The following NPM1 variants were observed in gnomAD, a reference collection of about 807,000 sequenced individuals.
NPM1 encodes nucleophosmin 1.
In NPM1, 1 loss-of-function variant was observed where a neutral mutation model predicts 44.1. The observed-to-expected ratio is 0.02, with a 90% CI of 0.01 to 0.11. The LOEUF (loss-of-function observed/expected upper bound fraction) is 0.11, where lower values mean the gene tolerates loss of function less well. NPM1 is among the 10% of genes least tolerant of loss of function. The pLI, the probability that NPM1 is intolerant of heterozygous loss-of-function variation, is 1.00. For synonymous variants in NPM1, 126 were observed against 111.8 expected (o/e 1.13, Z -0.80); for missense variants, 197 against 347.8 (o/e 0.57, Z 3.45).
chr5:171,394,907 G>A (rs1206524934), intron 6 of NPM1, among the ~76,000 whole-genome samples: 1 of 152,138 alleles, frequency 6.6e-6, no homozygotes, highest in Non-Finnish European at 1.5e-5. Flanking sequence ...GGCCAGGCAT[G>A]GTGGCTCACG....
At chr5:171,394,892 A>G (rs1187665808) in intron 6 of NPM1, among the ~76,000 whole-genome samples, 1 of 151,980 alleles carries the variant, frequency 6.6e-6, no homozygotes, top group African/African-American at 2.4e-5. Flanking sequence ...AAATTGATAT[A>G]ATTAGGCCAG....
chr5:171,405,620 A>C, intron 9 of NPM1: 1 of 534,892 alleles, frequency 1.9e-6, no homozygotes, highest in South Asian at 2.2e-5. Context: ...CTTATTTTCC[A>C]TTATGCAAGG....
upstream of NPM1, chr5:171,387,742 C>T (rs960932646): frequency 5.0e-6 from 3 of 595,910 alleles, no homozygotes; most frequent in Middle Eastern, 4.5e-4. Context: ...CGCAGGACGG[C>T]TACGGTACGG....
intron 2 of NPM1, among the ~76,000 whole-genome samples, chr5:171,390,630 CAT>C (rs1206273023): frequency 6.6e-6 from 1 of 152,152 alleles, no homozygotes; most frequent in Non-Finnish European, 1.5e-5. Context: ...AAATCACAGT[CAT>C]GTGCCTCATT....
chr5:171,393,399 TA>T (rs1283290188), intron 6 of NPM1, among the ~76,000 whole-genome samples: 1 of 152,218 alleles, frequency 6.6e-6, no homozygotes, highest in Non-Finnish European at 1.5e-5. Context: ...TGTTATTCCC[TA>T]AAAGGATTTT....
At chr5:171,391,873 T>A in intron 4 of NPM1, 74 bp downstream of exon 4, 2 of 853,608 alleles carry the variant, frequency 2.3e-6, no homozygotes, top group Non-Finnish European at 3.9e-6. Flanking sequence ...AGTTTGGACT[T>A]AAAGCATGGG....
intron 6 of NPM1, among the ~76,000 whole-genome samples, chr5:171,398,472 A>G (rs192215920): frequency 5.9e-5 from 9 of 152,252 alleles, no homozygotes; most frequent in East Asian, 5.8e-4. Context: ...GATCTTGGCA[A>G]CCTTTAAAAG....
intron 2 of NPM1, 34 bp from the exon 3 acceptor site, chr5:171,391,271 A>T (rs776038041): frequency 2.5e-6 from 4 of 1,601,684 alleles, no homozygotes; most frequent in Non-Finnish European, 3.4e-6. Context: ...GGTGGAACTC[A>T]AAAGTTGAAG....
At chr5:171,392,288 G>A (rs1770617460) in intron 4 of NPM1, among the ~76,000 whole-genome samples, 1 of 152,278 alleles carries the variant, frequency 6.6e-6, no homozygotes, top group African/African-American at 2.4e-5. Flanking sequence ...CGGCTGGAGT[G>A]CAGTGATGTG....
At chr5:171,393,933 G>A (rs1170669786) in intron 6 of NPM1, among the ~76,000 whole-genome samples, 2 of 151,946 alleles carry the variant, frequency 1.3e-5, no homozygotes, top group East Asian at 1.9e-4. Context: ...GGTCAAAATA[G>A]CAAGACCCAA....
In NPM1 at chr5:171,404,065, G is replaced by T. The variant is rs1771418261; in HGVS notation, c.670-1237G>T. On this transcript the variant is annotated intron_variant, in intron 8 of 10. Coordinates refer to ENST00000296930, the MANE Select transcript of NPM1 (RefSeq NM_002520.7). ...AGGCAACCCTCACCTCCCGGACGGG[G>T]CGGCTGGCCGGGCGGGGGGCTGACC... 8.8e-5 allele frequency among the ~76,000 whole-genome samples: 6 copies of T among 68,526 alleles called. 1 individual carries two copies. Among genetic ancestry groups the T allele is most frequent in the Admixed American group, 7.2e-4 (6 of 8,380 alleles). 45.0% of individuals were successfully genotyped at this position (68,526 alleles called of 152,430 possible). A position where few individuals can be genotyped will look rare whatever the true frequency, so the allele number is the denominator to read the frequency against.
intron 1 of NPM1, among the ~76,000 whole-genome samples, chr5:171,389,093 C>G (rs1440892238): frequency 6.6e-6 from 1 of 152,206 alleles, no homozygotes; most frequent in Non-Finnish European, 1.5e-5. Flanking sequence ...GGGAGCACCA[C>G]CCCCCTCGAC....
chr5:171,388,217 G>A (rs1770364136), intron 1 of NPM1, among the ~76,000 whole-genome samples: 1 of 152,156 alleles, frequency 6.6e-6, no homozygotes, highest in Non-Finnish European at 1.5e-5. Context: ...GAGGAGACGA[G>A]CGGCCTGAAG....
At chr5:171,402,052 C>CTTT (rs1771229619) in intron 8 of NPM1, among the ~76,000 whole-genome samples, 1 of 89,422 alleles carries the variant, frequency 1.1e-5, no homozygotes, top group South Asian at 4.4e-4. Context: ...TTTCTGATTT[C>CTTT]CTTTTTTTTT....
In NPM1 at chr5:171,405,378, C is replaced by G; in HGVS notation, c.746C>G (p.Ala249Gly). The change falls in exon 9 of 11, where the codon GCA becomes GGA. Residue 249 changes from alanine (A) to glycine (G), a missense_variant. Physicochemically the swap from Ala to Gly is moderately conservative, Grantham distance 60. Transcript: ENST00000296930. The stretch of plus-strand genomic sequence containing the variant: ...CCTAGTTCTGTAGAAGACATTAAAG[C>G]AAAAATGCAAGCAAGTATAGAAAAA... ...KGPSSVEDIK[A>G]KMQASIEKGG... The G allele has an allele frequency of 6.4e-7, 1 of 1,567,168 alleles. No homozygotes were observed. Among genetic ancestry groups the G allele is most frequent in the Non-Finnish European group, 8.7e-7 (1 of 1,144,178 alleles).
At chr5:171,407,294 G>GTTTGT (rs1209295685) in intron 9 of NPM1, among the ~76,000 whole-genome samples, 1 of 152,154 alleles carries the variant, frequency 6.6e-6, no homozygotes, top group African/African-American at 2.4e-5. Context: ...GGTTTTGTTT[G>GTTTGT]TTTGTTTTTA....
At chr5:171,390,367 C>A (rs1303505322) in intron 2 of NPM1, among the ~76,000 whole-genome samples, 1 of 152,198 alleles carries the variant, frequency 6.6e-6, no homozygotes, top group Non-Finnish European at 1.5e-5. Context: ...TTATTTTCTT[C>A]AGTTGAATTA....
At chr5:171,399,555 T>G (rs188281139) in intron 6 of NPM1, among the ~76,000 whole-genome samples, 10 of 152,270 alleles carry the variant, frequency 6.6e-5, no homozygotes, top group Admixed American at 5.2e-4. Flanking sequence ...GTTTATAAAT[T>G]TTAGGATCTG....
chr5:171,400,740 C>A, intron 7 of NPM1, 99 bp from the exon 8 acceptor site: 1 of 790,238 alleles, frequency 1.3e-6, no homozygotes, highest in Non-Finnish European at 2.2e-6. Context: ...GCCACCACGC[C>A]AAGCCTGTGG....
Sources: allele counts gnomAD v4.1 joint callset (sites outside exome capture counted in the v4.1 genomes callset), GRCh38; gene constraint gnomAD v4.1.1; transcripts MANE v1.5; gene names NCBI Gene and HGNC (gene_info 2026-07-23, HGNC 2026-07-21).